The following TENM1 variants were observed in gnomAD, a reference collection of about 807,000 sequenced individuals.
The protein encoded by TENM1 is teneurin transmembrane protein 1, also known as teneurin-1.
Under a neutral mutation model 174.8 loss-of-function variants are expected in TENM1, and 35 were observed. The observed-to-expected ratio is 0.20, with a 90% CI of 0.15 to 0.27. The LOEUF (loss-of-function observed/expected upper bound fraction) is 0.27, where lower values mean the gene tolerates loss of function less well. TENM1 is among the 10% of genes least tolerant of loss of function. The pLI is 1.00. For missense variants in TENM1, 1,633 were observed against 2,130.1 expected (o/e 0.77, Z 4.59); for synonymous variants, 781 against 798.7 (o/e 0.98, Z 0.37).
chrX:124,693,276 A>G lies in TENM1; in HGVS notation c.1015+11737T>C, dbSNP rs138310888. Among the ~76,000 whole-genome samples, 1,061 of 111,167 alleles carry G rather than the reference A, an allele frequency of 9.5e-3. 9 individuals carry two copies. The highest frequency in any genetic ancestry group is 0.032 in the African/African-American group (994 of 30,679). ...AAGGTATTAAAGGTTGTGCCCTTCA[A>G]TACTTACAGTCAGGCCTATTATTTC... is the stretch of plus-strand genomic sequence containing the variant. On this transcript the variant is annotated intron_variant, in intron 5 of 31. Transcript: ENST00000422452.
intron 11 of TENM1, among the ~76,000 whole-genome samples, chrX:124,607,097 T>C (rs1320881272): frequency 9.0e-6 from 1 of 111,183 alleles, no homozygotes; most frequent in Admixed American, 9.6e-5. Flanking sequence ...CAGATTTATT[T>C]GAAAACAAAT....
exon 29 of TENM1, chrX:124,385,757 T>C (rs960609564): frequency 8.3e-7 from 1 of 1,210,435 alleles, no homozygotes; most frequent in Non-Finnish European, 1.1e-6. Flanking sequence ...AGACTCTTCA[T>C]ATGTTAATGT....
At chrX:125,092,278 T>C in the TENM1 span, among the ~76,000 whole-genome samples, 1 of 111,270 alleles carries the variant, frequency 9.0e-6, no homozygotes, top group Non-Finnish European at 1.9e-5. Flanking sequence ...CCAACAGAAG[T>C]AAGCTATTCA....
the TENM1 span, among the ~76,000 whole-genome samples, chrX:125,158,333 G>A: frequency 0.055 from 5,612 of 101,985 alleles, 296 homozygotes; most frequent in African/African-American, 0.14. Flanking sequence ...AACCTGGGAG[G>A]TGGAGGTTGC....
chrX:125,063,321 C>T, the TENM1 span, among the ~76,000 whole-genome samples: 1 of 111,863 alleles, frequency 8.9e-6, no homozygotes, highest in African/African-American at 3.2e-5. Flanking sequence ...CTTGTTATAA[C>T]ATGTGTGAAC....
At chrX:124,443,042 CTATGTGTG>C (rs1476645708) in intron 23 of TENM1, among the ~76,000 whole-genome samples, 2,582 of 42,081 alleles carry the variant, frequency 0.061, 86 homozygotes, top group Non-Finnish European at 0.083. Context: ...GCCTGGATGA[CTATGTGTG>C]TGTGTGTGTG....
At chrX:124,454,679 G>C (rs1464600744) in intron 22 of TENM1, among the ~76,000 whole-genome samples, 1 of 111,906 alleles carries the variant, frequency 8.9e-6, no homozygotes, top group Non-Finnish European at 1.9e-5. Flanking sequence ...TGGGATTACA[G>C]GCGTGAGATA....
intron 11 of TENM1, among the ~76,000 whole-genome samples, chrX:124,598,689 A>G (rs1401953653): frequency 9.0e-6 from 1 of 111,438 alleles, no homozygotes; most frequent in African/African-American, 3.3e-5. Flanking sequence ...CTAAAAATCA[A>G]AACAACTGAA....
At chrX:124,747,130 C>T (rs979044987) in intron 3 of TENM1, among the ~76,000 whole-genome samples, 13 of 104,272 alleles carry the variant, frequency 1.2e-4, no homozygotes, top group South Asian at 4.3e-4. Context: ...CCAGCCTGGG[C>T]GACACAGCAA....
chrX:124,982,912 C>A, the TENM1 span, among the ~76,000 whole-genome samples: 1 of 112,141 alleles, frequency 8.9e-6, no homozygotes, highest in Non-Finnish European at 1.9e-5. Context: ...TTGGAGAAAT[C>A]TTTTGAGTCC....
the TENM1 span, among the ~76,000 whole-genome samples, chrX:124,988,544 T>G: frequency 9.6e-6 from 1 of 103,978 alleles, no homozygotes; most frequent in Non-Finnish European, 2.0e-5. Context: ...ATTTGCAGAT[T>G]ATTTCACCAG....
In TENM1 at chrX:124,696,617, C is replaced by T. The variant is rs149831894; in HGVS notation, c.1015+8396G>A. ...AGTAAAATCCAAAATCTTTTATCTG[C>T]TCTCTTTATTTAATATTATTTTCAT... is the stretch of plus-strand genomic sequence containing the variant. On this transcript the variant is annotated intron_variant, in intron 5 of 31. Transcript: ENST00000422452. Among the ~76,000 whole-genome samples, 602 of 111,067 alleles carry T rather than the reference C, an allele frequency of 5.4e-3. 5 individuals are homozygous for T. Among genetic ancestry groups the T allele is most frequent in the African/African-American group, 0.018 (567 of 30,652 alleles).
chrX:124,589,095 G>T (rs375192107), intron 11 of TENM1, among the ~76,000 whole-genome samples: 3 of 96,960 alleles, frequency 3.1e-5, no homozygotes, highest in South Asian at 5.0e-4. Context: ...TTTCTTGAGG[G>T]TTTTTTTTTT....
At chrX:124,863,638 T>C (rs925832681) in intron 3 of TENM1, among the ~76,000 whole-genome samples, 2 of 112,097 alleles carry the variant, frequency 1.8e-5, no homozygotes, top group African/African-American at 3.2e-5. Context: ...GGCTTTTTTT[T>C]ACCTCTAGTC....
At chrX:124,513,113 T>C (rs746279362) in intron 18 of TENM1, among the ~76,000 whole-genome samples, 2 of 110,016 alleles carry the variant, frequency 1.8e-5, no homozygotes, top group African/African-American at 3.3e-5. Context: ...CTTACAGTTA[T>C]GGAGGCCAGA....
chrX:124,719,587 T>C (rs1235594529), intron 4 of TENM1, among the ~76,000 whole-genome samples: 1 of 111,414 alleles, frequency 9.0e-6, no homozygotes, highest in Non-Finnish European at 1.9e-5. Flanking sequence ...ACAGGAGAAT[T>C]TGTGGAAAGC....
the TENM1 span, among the ~76,000 whole-genome samples, chrX:125,029,765 G>A: frequency 4.5e-5 from 5 of 111,475 alleles, no homozygotes; most frequent in African/African-American, 1.3e-4. Context: ...GGAGACTGGC[G>A]GTTGTGTATA....
chrX:124,852,019 T>C (rs1351512707), intron 3 of TENM1, among the ~76,000 whole-genome samples: 1 of 111,543 alleles, frequency 9.0e-6, no homozygotes, highest in Non-Finnish European at 1.9e-5. Context: ...TATTGAATAG[T>C]GCTTAGAAGT....
At chrX:125,155,768 G>C in the TENM1 span, among the ~76,000 whole-genome samples, 1 of 112,714 alleles carries the variant, frequency 8.9e-6, no homozygotes, top group Non-Finnish European at 1.9e-5. Flanking sequence ...TGGGGCAGCT[G>C]AGCCCACACC....
Sources: gnomAD v4.1 joint callset for allele counts (sites outside exome capture counted in the v4.1 genomes callset) on GRCh38, gnomAD v4.1.1 for gene constraint, MANE v1.5 for transcripts, NCBI Gene and HGNC (gene_info 2026-07-23, HGNC 2026-07-21) for gene names.